NPFFR2: variants seen among roughly 807,000 people sequenced by gnomAD.
NPFFR2 encodes neuropeptide FF receptor 2, also known as G-protein coupled receptor 74.
Under a neutral mutation model 13.1 loss-of-function variants are expected in NPFFR2, and 15 were observed. The ratio of observed to expected loss-of-function variants is 1.15; its 90% CI spans 0.77 to 1.76. The LOEUF (loss-of-function observed/expected upper bound fraction) is 1.76. Among genes scored for constraint, NPFFR2 ranks in the 40% most tolerant of loss-of-function variants. NPFFR2 has a pLI of 0.00. For missense variants in NPFFR2, 572 were observed against 503.5 expected (o/e 1.14, Z -1.30); for synonymous variants, 190 against 175.7 (o/e 1.08, Z -0.65).
intron 1 of NPFFR2, among the ~76,000 whole-genome samples, chr4:72,097,436 T>C (rs1327667384): frequency 6.6e-6 from 1 of 152,148 alleles, no homozygotes; most frequent in African/African-American, 2.4e-5. Context: ...CCTCTCTCAA[T>C]TCTAATCTAT....
intron 1 of NPFFR2, among the ~76,000 whole-genome samples, chr4:72,033,447 TA>T (rs10711391): frequency 1 from 152,231 of 152,268 alleles, 76,097 homozygotes; most frequent in Middle Eastern, 1. Context: ...ATTGTAATAA[TA>T]AAAAAATGTG....
At chr4:72,144,411 T>C (rs1204374959) in intron 3 of NPFFR2, among the ~76,000 whole-genome samples, 3 of 152,196 alleles carry the variant, frequency 2.0e-5, no homozygotes, top group South Asian at 4.1e-4. Flanking sequence ...GAAAAAGGAA[T>C]AGAATTTGGA....
intron 1 of NPFFR2, among the ~76,000 whole-genome samples, chr4:72,035,868 C>A (rs374330973): frequency 9.9e-5 from 15 of 152,026 alleles, no homozygotes; most frequent in African/African-American, 3.4e-4. Context: ...TGCATGGAGT[C>A]TGGGTTCCAT....
chr4:72,081,438 T>G (rs1176443803), intron 1 of NPFFR2, among the ~76,000 whole-genome samples: 2 of 152,116 alleles, frequency 1.3e-5, no homozygotes, highest in Non-Finnish European at 2.9e-5. Flanking sequence ...TCACTGATGT[T>G]CTCACTTAAA....
Position 72,115,666 on chromosome 4 carries a change from A to G in NPFFR2, c.-7-12919A>G, listed in dbSNP as rs10938005. On this transcript the variant is annotated intron_variant, in intron 1 of 3. Coordinates refer to ENST00000308744, the MANE Select transcript of NPFFR2 (RefSeq NM_004885.3). Reference sequence around the variant, plus strand: ...AGCCATCTCTAAAGCCTCCATTTTCATGAAAGTTCTTTCTTAGATGAGTTT... The same window carrying G: ...AGCCATCTCTAAAGCCTCCATTTTCGTGAAAGTTCTTTCTTAGATGAGTTT... Among the ~76,000 whole-genome samples the G allele has an allele frequency of 0.022, 3,372 of 152,180 alleles. 268 individuals carry two copies. In the East Asian group the frequency reaches 0.31, roughly 14 times the overall value.
intron 1 of NPFFR2, among the ~76,000 whole-genome samples, chr4:72,047,382 G>T (rs908837350): frequency 5.3e-5 from 8 of 152,134 alleles, no homozygotes; most frequent in Admixed American, 1.3e-4. Flanking sequence ...TCTGGTGATG[G>T]TCTTGAAGCA....
chr4:72,082,409 ATCTTT>A (rs1246495313), intron 1 of NPFFR2, among the ~76,000 whole-genome samples: 1 of 152,166 alleles, frequency 6.6e-6, no homozygotes, highest in Non-Finnish European at 1.5e-5. Flanking sequence ...AGCAAAGATA[ATCTTT>A]TCTAGTTCAT....
chr4:72,074,542 A>G (rs1720369122), intron 1 of NPFFR2, among the ~76,000 whole-genome samples: 2 of 152,086 alleles, frequency 1.3e-5, no homozygotes, highest in African/African-American at 4.8e-5. Flanking sequence ...GAAAAACCAT[A>G]ATGTATATAG....
intron 1 of NPFFR2, among the ~76,000 whole-genome samples, chr4:72,122,523 G>T (rs1354262924): frequency 6.6e-6 from 1 of 152,122 alleles, no homozygotes; most frequent in Non-Finnish European, 1.5e-5. Flanking sequence ...CTCAGCAAAT[G>T]CAAAAGAACA....
rs765317336 is a variant in NPFFR2 at position 72,083,216 on chromosome 4, ATT to A, written c.-7-45367_-7-45366del. Among the ~76,000 whole-genome samples the A allele has an allele frequency of 7.7e-3, 1,180 of 152,274 alleles. 8 individuals are homozygous for A. Among genetic ancestry groups the A allele is most frequent in the African/African-American group, 0.017 (691 of 41,570 alleles). On this transcript the variant is annotated intron_variant, in intron 1 of 3. Coordinates refer to ENST00000308744, the MANE Select transcript of NPFFR2 (RefSeq NM_004885.3). ...CTTTGACTCTATACCCATAAGTGGA[ATT>A]TCTGAATCATATGGTCATTCTATTT...
At chr4:72,095,099 A>AT (rs1204134419) in intron 1 of NPFFR2, among the ~76,000 whole-genome samples, 1 of 151,994 alleles carries the variant, frequency 6.6e-6, no homozygotes, top group Non-Finnish European at 1.5e-5. Flanking sequence ...TCGTTAATGA[A>AT]TTTTTTTTGA....
chr4:72,123,641 A>G (rs1431451040), intron 1 of NPFFR2, among the ~76,000 whole-genome samples: 1 of 152,224 alleles, frequency 6.6e-6, no homozygotes, highest in Non-Finnish European at 1.5e-5. Flanking sequence ...TCCATCACAT[A>G]AACAGAACCA....
intron 2 of NPFFR2, among the ~76,000 whole-genome samples, chr4:72,132,145 T>G (rs990504774): frequency 6.6e-6 from 1 of 151,640 alleles, no homozygotes; most frequent in Non-Finnish European, 1.5e-5. Context: ...TTTTTTTTCC[T>G]GAGTCTCTTC....
intron 1 of NPFFR2, among the ~76,000 whole-genome samples, chr4:72,078,156 A>G (rs903448066): frequency 5.3e-5 from 8 of 152,146 alleles, no homozygotes; most frequent in Non-Finnish European, 1.0e-4. Flanking sequence ...ATTAAGATTC[A>G]TATTTTGCAT....
chr4:72,104,135 A>G (rs900235850), intron 1 of NPFFR2, among the ~76,000 whole-genome samples: 13 of 152,088 alleles, frequency 8.5e-5, no homozygotes, highest in African/African-American at 3.1e-4. Context: ...TCTCAGCTAC[A>G]TCCATGTGAT....
chr4:72,134,595 A>C (rs902508285), intron 2 of NPFFR2, among the ~76,000 whole-genome samples: 3 of 152,072 alleles, frequency 2.0e-5, no homozygotes, highest in African/African-American at 7.2e-5. Context: ...TGCTGTATCA[A>C]TTTCTCTCTT....
intron 1 of NPFFR2, among the ~76,000 whole-genome samples, chr4:72,099,762 A>G (rs1721185482): frequency 6.6e-6 from 1 of 151,784 alleles, no homozygotes. Flanking sequence ...AAGCATATCA[A>G]ACCATTTCTT....
intron 2 of NPFFR2, among the ~76,000 whole-genome samples, chr4:72,137,789 A>T (rs1027056132): frequency 6.6e-6 from 1 of 152,222 alleles, no homozygotes; most frequent in African/African-American, 2.4e-5. Flanking sequence ...AGGATTAGAT[A>T]TGTTAATAGA....
At chr4:72,113,703 C>T (rs959571835) in intron 1 of NPFFR2, among the ~76,000 whole-genome samples, 3 of 152,032 alleles carry the variant, frequency 2.0e-5, no homozygotes, top group African/African-American at 7.2e-5. Flanking sequence ...CTAATAATTT[C>T]AAGAATACAG....
Sources: gnomAD v4.1 joint callset for allele counts (sites outside exome capture counted in the v4.1 genomes callset) on GRCh38, gnomAD v4.1.1 for gene constraint, MANE v1.5 for transcripts, NCBI Gene and HGNC (gene_info 2026-07-23, HGNC 2026-07-21) for gene names.